CNTN4: variants seen among roughly 807,000 people sequenced by gnomAD.
CNTN4 encodes contactin-4.
A neutral mutation model predicts 122.5 loss-of-function variants in CNTN4; 77 were observed. The observed-to-expected ratio is 0.63, with a 90% CI of 0.52 to 0.76. CNTN4 has a LOEUF of 0.76. Among genes scored for constraint, CNTN4 ranks in the 30% least tolerant of loss-of-function variants. CNTN4 has a pLI of 0.00. For synonymous variants in CNTN4, 512 were observed against 447.0 expected (o/e 1.15, Z -1.83); for missense variants, 1,256 against 1,259.1 (o/e 1.00, Z 0.04).
At position 2,115,360 on chromosome 3, in the gene CNTN4, G is replaced by A. The variant is rs554909034; in HGVS notation, c.-145+14721G>A. Among the ~76,000 whole-genome samples, 7 of 152,122 alleles carry A rather than the reference G, an allele frequency of 4.6e-5. 1 individual carries two copies. In the South Asian group the frequency reaches 1.0e-3, roughly 23 times the overall value. Reference sequence around the variant, plus strand: ...TCTAGTTCTTCCTTCTATTCCATGCGCTCTCCATATCCTTTTGATAGTCTC... The same window carrying A: ...TCTAGTTCTTCCTTCTATTCCATGCACTCTCCATATCCTTTTGATAGTCTC... On this transcript the variant is annotated intron_variant, in intron 2 of 24. Transcript: ENST00000418658.
At chr3:2,382,374 C>G (rs2046060829) in intron 3 of CNTN4, among the ~76,000 whole-genome samples, 1 of 152,000 alleles carries the variant, frequency 6.6e-6, no homozygotes, top group African/African-American at 2.4e-5. Flanking sequence ...CCAGGCTGGT[C>G]TTGAACTCCT....
intron 3 of CNTN4, among the ~76,000 whole-genome samples, chr3:2,367,199 A>G (rs186291150): frequency 3.3e-5 from 5 of 152,182 alleles, no homozygotes; most frequent in Non-Finnish European, 5.9e-5. Flanking sequence ...ACACTAATCT[A>G]CAGAAGAAAA....
At chr3:2,692,251 G>A (rs918447930) in intron 4 of CNTN4, among the ~76,000 whole-genome samples, 13 of 152,284 alleles carry the variant, frequency 8.5e-5, no homozygotes, top group Middle Eastern at 3.4e-3. Context: ...GCAAGAAGCA[G>A]CTTTGCTTCT....
At chr3:2,418,201 G>T (rs2047487555) in intron 3 of CNTN4, among the ~76,000 whole-genome samples, 1 of 152,120 alleles carries the variant, frequency 6.6e-6, no homozygotes, top group South Asian at 2.1e-4. Flanking sequence ...CGCTGGTGAG[G>T]TATATTGATA....
intron 3 of CNTN4, among the ~76,000 whole-genome samples, chr3:2,499,927 T>C (rs901576974): frequency 3.3e-5 from 5 of 152,154 alleles, no homozygotes; most frequent in Non-Finnish European, 7.4e-5. Flanking sequence ...TTAGTTATTT[T>C]CAATATGCAG....
At chr3:2,437,624 G>A (rs1575628210) in intron 3 of CNTN4, among the ~76,000 whole-genome samples, 1 of 152,224 alleles carries the variant, frequency 6.6e-6, no homozygotes, top group South Asian at 2.1e-4. Flanking sequence ...TTAAAAGATA[G>A]ATATACAAAC....
intron 4 of CNTN4, among the ~76,000 whole-genome samples, chr3:2,661,651 G>T (rs111375428): frequency 6.6e-6 from 1 of 151,558 alleles, no homozygotes; most frequent in African/African-American, 2.4e-5. Flanking sequence ...TGTCTCTACT[G>T]AAAGTACAAA....
chr3:2,456,368 A>G (rs973941826), intron 3 of CNTN4, among the ~76,000 whole-genome samples: 97 of 152,304 alleles, frequency 6.4e-4, no homozygotes, highest in African/African-American at 2.3e-3. Context: ...GTTGAAATTC[A>G]CATAACATAG....
At chr3:2,562,894 T>G (rs1404145483) in intron 3 of CNTN4, among the ~76,000 whole-genome samples, 4 of 151,824 alleles carry the variant, frequency 2.6e-5, no homozygotes, top group African/African-American at 9.7e-5. Flanking sequence ...TGGCTAACTT[T>G]TAAATTTTTT....
intron 14 of CNTN4, among the ~76,000 whole-genome samples, chr3:2,991,414 TC>T (rs1426907212): frequency 1.3e-5 from 2 of 152,138 alleles, no homozygotes; most frequent in Non-Finnish European, 2.9e-5. Context: ...AGTTAGTTTC[TC>T]CACAGAGGTC....
At chr3:2,510,808 C>T (rs763833674) in intron 3 of CNTN4, among the ~76,000 whole-genome samples, 5 of 151,990 alleles carry the variant, frequency 3.3e-5, no homozygotes, top group Non-Finnish European at 7.4e-5. Context: ...GTTTATAACC[C>T]CTGACTGCAT....
chr3:2,433,542 A>G (rs1199572303), intron 3 of CNTN4, among the ~76,000 whole-genome samples: 2 of 152,012 alleles, frequency 1.3e-5, no homozygotes, highest in East Asian at 1.9e-4. Context: ...TATTAGATGT[A>G]TGGCTTACAA....
chr3:2,100,668 G>C (rs1383929496), intron 2 of CNTN4, 29 bp downstream of exon 2: 2 of 152,186 alleles, frequency 1.3e-5, no homozygotes, highest in Non-Finnish European at 2.9e-5. Flanking sequence ...TTTTTATCTT[G>C]ATTTCTTTAA....
intron 2 of CNTN4, among the ~76,000 whole-genome samples, chr3:2,189,107 CT>C (rs1389257235): frequency 6.6e-6 from 1 of 152,216 alleles, no homozygotes; most frequent in South Asian, 2.1e-4. Context: ...ACCTTTCCTT[CT>C]TTTTTTATTT....
intron 5 of CNTN4, among the ~76,000 whole-genome samples, chr3:2,743,653 G>C (rs767708307): frequency 6.6e-6 from 1 of 152,196 alleles, no homozygotes; most frequent in Non-Finnish European, 1.5e-5. Context: ...AATTCAACCA[G>C]CATTTATGGA....
chr3:2,426,370 T>G (rs1354495465), intron 3 of CNTN4, among the ~76,000 whole-genome samples: 1 of 152,180 alleles, frequency 6.6e-6, no homozygotes, highest in African/African-American at 2.4e-5. Flanking sequence ...TGGATTACGT[T>G]TATTGATTTT....
intron 7 of CNTN4, among the ~76,000 whole-genome samples, chr3:2,829,476 G>A (rs1329290101): frequency 6.6e-6 from 1 of 152,192 alleles, no homozygotes; most frequent in African/African-American, 2.4e-5. Context: ...AGCAAAAGAA[G>A]CAAAAGGGAG....
chr3:2,163,089 C>G (rs1213216906), intron 2 of CNTN4, among the ~76,000 whole-genome samples: 1 of 152,144 alleles, frequency 6.6e-6, no homozygotes, highest in African/African-American at 2.4e-5. Context: ...AAAACAAGAC[C>G]CTGTCTCAAA....
At chr3:2,967,191 A>G (rs1692407825) in intron 13 of CNTN4, among the ~76,000 whole-genome samples, 3 of 152,264 alleles carry the variant, frequency 2.0e-5, no homozygotes, top group South Asian at 4.1e-4. Context: ...AGATGAACAC[A>G]TAGGAAGTCG....
Sources: gnomAD v4.1 joint callset for allele counts (sites outside exome capture counted in the v4.1 genomes callset) on GRCh38, gnomAD v4.1.1 for gene constraint, MANE v1.5 for transcripts, NCBI Gene and HGNC (gene_info 2026-07-23, HGNC 2026-07-21) for gene names.